Variants in CFAP47 observed in about 807,000 individuals in gnomAD.
CFAP47 encodes the protein cilia and flagella associated protein 47.
In CFAP47, 29 loss-of-function variants were observed where a neutral mutation model predicts 148.1. The ratio of observed to expected loss-of-function variants is 0.20; its 90% confidence interval spans 0.15 to 0.27. The LOEUF (loss-of-function observed/expected upper bound fraction) is 0.27. CFAP47 is among the 10% of genes least tolerant of loss of function. The pLI, the probability that CFAP47 is intolerant of heterozygous loss-of-function variation, is 1.00. For synonymous variants in CFAP47, 664 were observed against 577.3 expected, an observed-to-expected ratio of 1.15 and a Z score of -2.15; for missense variants, 1,872 against 1,697.5, an observed-to-expected ratio of 1.10 and a Z score of -1.81.
Position 36,251,326 on chromosome X carries a change from C to T in CFAP47, c.7333-7C>T. 1.0e-5 allele frequency: 5 copies of T among 494,696 alleles called. No homozygotes were observed. Among genetic ancestry groups the T allele is most frequent in the African/African-American group, 4.7e-5 (2 of 42,825 alleles). 40.8% of individuals were successfully genotyped at this position (494,696 alleles called of 1,213,427 possible). A position where few individuals can be genotyped will look rare whatever the true frequency, so the allele number is the denominator to read the frequency against. ...CATAATTCTTGTTTCTGAATTATCT[C>T]TTATAGGTAACTGCAGATCTTCCAA... is the stretch of plus-strand genomic sequence containing the variant. On this transcript the variant is annotated splice_polypyrimidine_tract_variant and splice_region_variant and intron_variant, in intron 48 of 63. Coordinates refer to ENST00000378653, the MANE Select transcript of CFAP47 (RefSeq NM_001304548.2).
chrX:36,002,337 A>C (rs1241726974), intron 21 of CFAP47, among the ~76,000 whole-genome samples: 1 of 110,920 alleles, frequency 9.0e-6, no homozygotes, highest in Non-Finnish European at 1.9e-5. Context: ...CTATAATCCC[A>C]GCACTTTGGG....
chrX:36,308,718 C>T (rs1941370380), intron 55 of CFAP47, among the ~76,000 whole-genome samples: 1 of 111,257 alleles, frequency 9.0e-6, no homozygotes, highest in Non-Finnish European at 1.9e-5. Context: ...CTGACACACA[C>T]AGCTGATTAG....
chrX:36,334,981 C>G (rs1941592915), intron 57 of CFAP47, among the ~76,000 whole-genome samples: 1 of 110,896 alleles, frequency 9.0e-6, no homozygotes, highest in South Asian at 3.8e-4. Context: ...CATCCAGACT[C>G]ATGGTTTTAG....
intron 16 of CFAP47, among the ~76,000 whole-genome samples, chrX:35,990,766 T>A (rs1404986605): frequency 3.6e-5 from 4 of 111,483 alleles, no homozygotes; most frequent in African/African-American, 1.3e-4. Flanking sequence ...ATCTTATTCC[T>A]TTTGCCTTAC....
At chrX:35,952,792 A>G (rs1936186688) in intron 6 of CFAP47, among the ~76,000 whole-genome samples, 1 of 112,094 alleles carries the variant, frequency 8.9e-6, no homozygotes, top group Admixed American at 9.5e-5. Flanking sequence ...TTAATACACA[A>G]TCTTTGAAAT....
chrX:36,268,899 A>C (rs6527548), intron 49 of CFAP47, among the ~76,000 whole-genome samples: 39,163 of 111,060 alleles, frequency 0.35, 7,719 homozygotes, highest in African/African-American at 0.76. Flanking sequence ...GTTTAAAATA[A>C]CCTTCAATGA....
intron 33 of CFAP47, among the ~76,000 whole-genome samples, chrX:36,120,413 G>T (rs1217090678): frequency 2.7e-5 from 3 of 110,646 alleles, no homozygotes; most frequent in Non-Finnish European, 3.8e-5. Context: ...CTAATTTTAG[G>T]CTTGTTTTGC....
In CFAP47 at chrX:36,124,857, C is replaced by T. The variant is rs564688658; in HGVS notation, c.5321-13101C>T. Among the ~76,000 whole-genome samples, 4 of 110,192 alleles carry T rather than the reference C, an allele frequency of 3.6e-5. No homozygotes were observed. In the South Asian group the frequency reaches 1.5e-3, roughly 42 times the overall value. ...TTATTCTGCTATCTTGTTCCACCCT[C>T]GATTCATAAAAAATATATATTTTAA... is the stretch of plus-strand genomic sequence containing the variant. On this transcript the variant is annotated intron_variant, in intron 33 of 63. Coordinates refer to ENST00000378653, the MANE Select transcript of CFAP47 (RefSeq NM_001304548.2).
At position 35,975,809 on chromosome X, in the gene CFAP47, G is replaced by A. The variant is rs142417700; in HGVS notation, c.2609G>A (p.Arg870Gln). The A allele has an allele frequency of 3.8e-4, 462 of 1,208,317 alleles. 2 individuals carry two copies. The East Asian group carries it at 8.5e-3, about 22-fold the overall frequency. The change falls in exon 15 of 64, where the codon CGG (arginine) becomes CAG (glutamine). Residue 870 changes from arginine (R) to glutamine (Q), a missense_variant. Arg to Gln is a conservative substitution (Grantham distance 43). Transcript: ENST00000378653. The stretch of plus-strand genomic sequence containing the variant: ...GGCTTCTTCATGAAAACATGTTTTC[G>A]GGGGACAGTTAGATTGTATAATCGT... ...PRGFFMKTCF[R>Q]GTVRLYNRQN... is the part of the protein sequence containing the mutation.
Position 36,186,341 on chromosome X carries a change from C to T in CFAP47, c.6105-2279C>T, listed in dbSNP as rs1000796458. Reference sequence around the variant, plus strand: ...ATCTTAGGACTCCTTGCTTTAGACACTTCTCAACTGCTCAGGGGTCAAGGT... The same window carrying T: ...ATCTTAGGACTCCTTGCTTTAGACATTTCTCAACTGCTCAGGGGTCAAGGT... On this transcript the variant is annotated intron_variant, in intron 40 of 63. Transcript: ENST00000378653. Among the ~76,000 whole-genome samples, 21 of 111,425 alleles carry T rather than the reference C, an allele frequency of 1.9e-4. No homozygotes were observed. The Admixed American group carries it at 1.9e-3, about 10-fold the overall frequency.
chrX:36,119,511 C>T (rs1475013612), intron 33 of CFAP47, among the ~76,000 whole-genome samples: 1 of 111,133 alleles, frequency 9.0e-6, no homozygotes, highest in African/African-American at 3.3e-5. Context: ...ATTTATTGGC[C>T]TGTAGTTTCC....
chrX:36,078,073 C>T (rs903435687), intron 29 of CFAP47, among the ~76,000 whole-genome samples: 2 of 111,402 alleles, frequency 1.8e-5, no homozygotes. Context: ...AAACTTCACA[C>T]ATTGAGGCAG....
At chrX:36,156,919 T>G (rs1441763253) in intron 37 of CFAP47, among the ~76,000 whole-genome samples, 1 of 111,582 alleles carries the variant, frequency 9.0e-6, no homozygotes, top group African/African-American at 3.2e-5. Flanking sequence ...TTGAAATGTA[T>G]TCCATAAGAC....
At chrX:36,073,988 G>T (rs149673063) in intron 29 of CFAP47, among the ~76,000 whole-genome samples, 1,814 of 111,674 alleles carry the variant, frequency 0.016, 44 homozygotes, top group African/African-American at 0.056. Flanking sequence ...CTGCAACCAC[G>T]GCAGGGAGTA....
intron 63 of CFAP47, among the ~76,000 whole-genome samples, chrX:36,384,178 T>C (rs1556024694): frequency 9.1e-6 from 1 of 109,708 alleles, no homozygotes; most frequent in Non-Finnish European, 1.9e-5. Context: ...CCGTCTCTAC[T>C]AAAAATACAA....
intron 42 of CFAP47, among the ~76,000 whole-genome samples, chrX:36,194,628 G>T (rs1372970647): frequency 9.0e-6 from 1 of 111,657 alleles, no homozygotes; most frequent in Non-Finnish European, 1.9e-5. Context: ...TGTGGCAGAA[G>T]GAGAAGGAGA....
intron 14 of CFAP47, 24 bp from the exon 15 acceptor site, chrX:35,975,648 T>A (rs1432119622): frequency 8.3e-7 from 1 of 1,199,636 alleles, no homozygotes; most frequent in Non-Finnish European, 1.1e-6. Context: ...TCAGTTAAAT[T>A]TGGATGCTTT....
intron 4 of CFAP47, 76 bp downstream of exon 4, chrX:35,948,528 T>G (rs1936117544): frequency 1.2e-6 from 1 of 818,451 alleles, no homozygotes; most frequent in African/African-American, 2.0e-5. Context: ...AGATGTGACT[T>G]TGATTGTATG....
intron 62 of CFAP47, among the ~76,000 whole-genome samples, chrX:36,369,281 A>G (rs1306506704): frequency 9.0e-6 from 1 of 111,293 alleles, no homozygotes; most frequent in Non-Finnish European, 1.9e-5. Context: ...ACTCTTCTGT[A>G]TTGAACCCTT....
Sources: allele counts gnomAD v4.1 joint callset (sites outside exome capture counted in the v4.1 genomes callset), GRCh38; gene constraint gnomAD v4.1.1; transcripts MANE v1.5; gene names NCBI Gene and HGNC (gene_info 2026-07-23, HGNC 2026-07-21).